SNPH: variants seen among roughly 807,000 people sequenced by gnomAD.
SNPH encodes syntaphilin.
A neutral mutation model predicts 36.8 loss-of-function variants in SNPH; 10 were observed. That is an observed-to-expected ratio of 0.27 (90% CI 0.17 to 0.46). The LOEUF (loss-of-function observed/expected upper bound fraction) is 0.46, where lower values mean the gene tolerates loss of function less well. Among genes scored for constraint, SNPH ranks in the 20% least tolerant of loss-of-function variants. SNPH has a pLI of 1.00. For missense variants in SNPH, 622 were observed against 744.0 expected, an observed-to-expected ratio of 0.84 and a Z score of 1.91; for synonymous variants, 281 against 312.2, an observed-to-expected ratio of 0.90 and a Z score of 1.05.
chr20:1,305,669 T>C lies in SNPH; in HGVS notation c.1232T>C (p.Val411Ala), dbSNP rs1439126976. Residue 411 changes from valine to alanine, a missense_variant, in exon 7 of 7, where the codon GTG becomes GCG. By Grantham distance (64) the Val-to-Ala change is moderately conservative. Around this residue, in one of 3 missense-constraint regions of SNPH, gnomAD observed 379 missense variants for 427.9 expected, o/e 0.89. Transcript: ENST00000381867. ...AGAGACCCCAACTCAGCAGTGGTGG[T>C]GACAGTGGGTGATGAGCTAGAGGCC... is the stretch of plus-strand genomic sequence containing the variant. ...GPRDPNSAVVVTVGDELEAPE... is the reference protein window; with the variant it reads ...GPRDPNSAVVATVGDELEAPE... 1.9e-6 allele frequency: 3 copies of C among 1,612,120 alleles called. No homozygotes were observed. In the South Asian group the frequency reaches 3.3e-5, roughly 18 times the overall value.
rs543704546 is a variant in SNPH, at chr20:1,304,312, A to G, written c.441-566A>G. On this transcript the variant is annotated intron_variant, in intron 6 of 6. Coordinates refer to ENST00000381867, the MANE Select transcript of SNPH (RefSeq NM_001318234.2). The surrounding 1 kb of genome is among the most constrained non-coding windows in gnomAD (Gnocchi z 4.3). Reference sequence around the variant, plus strand: ...CATCGCTCTGCATGAGGGATGATGTAAAATCATCAGCCTCCCCCAACATTG... The same window carrying G: ...CATCGCTCTGCATGAGGGATGATGTGAAATCATCAGCCTCCCCCAACATTG... 7.2e-5 allele frequency among the ~76,000 whole-genome samples: 11 copies of G among 152,254 alleles called. No homozygotes were observed. The East Asian group carries it at 1.9e-3, about 27-fold the overall frequency.
chr20:1,300,441 G>A, intron 5 of SNPH, 121 bp from the exon 6 acceptor site: 1 of 1,072,776 alleles, frequency 9.3e-7, no homozygotes, highest in Non-Finnish European at 1.4e-6. Flanking sequence ...TGGGAGGCCT[G>A]GCTTGGAGCA....
chr20:1,307,275 G>A lies in SNPH; in HGVS notation c.*1221G>A, dbSNP rs996733346. 1.3e-5 allele frequency: 2 copies of A among 152,296 alleles called. No individual in the cohort carries two copies. Among genetic ancestry groups the A allele is most frequent in the Admixed American group, 1.3e-4 (2 of 15,288 alleles). The allele number at this position is 152,296 out of a possible 1,614,324, so 9.4% of individuals were successfully genotyped here. A position where few individuals can be genotyped will look rare whatever the true frequency, so the allele number is the denominator to read the frequency against. ...CATCCAGGCCAAAGCAGGGTGTCCT[G>A]GGATAGGTTTCCTAGGCAGGGGCGT... is the stretch of plus-strand genomic sequence containing the variant. On this transcript the variant is annotated 3_prime_UTR_variant, in exon 7 of 7. Transcript: ENST00000381867.
rs150438827 is a variant in SNPH at position 1,296,245 on chromosome 20, G to A, written c.6G>A (p.Pro2=). M[P]GSGPSERMTW... ...GAAGGGTGAGAAGAGAAGCCATGCC[G>A]GGCAGCGGCCCCAGCGAGAGGATGA... The change falls in exon 4 of 7, where the codon CCG becomes CCA. Residue 2 remains proline (P), a synonymous_variant. Transcript: ENST00000381867. 4.2e-4 allele frequency: 635 copies of A among 1,522,762 alleles called. 1 individual carries two copies. The African/African-American group carries it at 7.7e-3, about 18-fold the overall frequency. 94.3% of individuals were successfully genotyped at this position (1,522,762 alleles called of 1,614,324 possible).
At chr20:1,303,992 C>T (rs1409135731) in intron 6 of SNPH, among the ~76,000 whole-genome samples, 3 of 152,080 alleles carry the variant, frequency 2.0e-5, no homozygotes, top group Admixed American at 1.3e-4. Context: ...TACCTCTAGA[C>T]CTGATGGCAT....
chr20:1,281,422 G>A (rs2088220741), intron 2 of SNPH, among the ~76,000 whole-genome samples: 1 of 152,160 alleles, frequency 6.6e-6, no homozygotes, highest in Non-Finnish European at 1.5e-5. Context: ...CTGTAAACCT[G>A]ACTTTGACCT....
Position 1,283,396 on chromosome 20 carries a change from A to G in SNPH, c.-492-11555A>G, listed in dbSNP as rs115311657. Among the ~76,000 whole-genome samples the G allele has an allele frequency of 6.0e-3, 907 of 152,002 alleles. 17 individuals are homozygous for G. Among genetic ancestry groups the G allele is most frequent in the African/African-American group, 0.021 (873 of 41,428 alleles). On this transcript the variant is annotated intron_variant, in intron 2 of 6. Coordinates refer to ENST00000381867, the MANE Select transcript of SNPH (RefSeq NM_001318234.2). The stretch of plus-strand genomic sequence containing the variant: ...AAAATGAGACTCGACCAGAAAAGAG[A>G]CTCCAAGCTCCAATGCCGTGCCACT...
chr20:1,307,800 A>G lies in SNPH; in HGVS notation c.*1746A>G, dbSNP rs2088600387. ...CTTGGTCAGGGCCTCAGACCAGCCAACCTTTGTGGAATAAGCCCCAGCCCA... is the reference window on the plus strand; with the variant it reads ...CTTGGTCAGGGCCTCAGACCAGCCAGCCTTTGTGGAATAAGCCCCAGCCCA... On this transcript the variant is annotated 3_prime_UTR_variant, in exon 7 of 7. Transcript: ENST00000381867. The G allele has an allele frequency of 6.6e-6, 1 of 152,410 alleles. No homozygotes were observed. The highest frequency in any genetic ancestry group is 2.4e-5 in the African/African-American group (1 of 41,452). The allele number at this position is 152,410 out of a possible 1,614,324, so 9.4% of individuals were successfully genotyped here. A position where few individuals can be genotyped will look rare whatever the true frequency, so the allele number is the denominator to read the frequency against.
intron 2 of SNPH, among the ~76,000 whole-genome samples, chr20:1,268,202 C>T (rs1345689093): frequency 1.3e-5 from 2 of 152,220 alleles, no homozygotes; most frequent in Admixed American, 1.3e-4. Context: ...ATCATTCTAG[C>T]AAATGATGGT....
At chr20:1,297,123 T>C in intron 4 of SNPH, 22 bp from the exon 5 acceptor site, 1 of 1,603,962 alleles carries the variant, frequency 6.2e-7, no homozygotes, top group Non-Finnish European at 8.5e-7. Context: ...AACGAGCACC[T>C]GCCTCTTCTT....
chr20:1,270,588 G>A (rs1210112883), intron 2 of SNPH, among the ~76,000 whole-genome samples: 1 of 152,180 alleles, frequency 6.6e-6, no homozygotes, highest in East Asian at 1.9e-4. Flanking sequence ...GAGTCTAGGG[G>A]ACTATCCAAG....
At position 1,294,433 on chromosome 20, in the gene SNPH, C is replaced by T. The variant is rs538501244; in HGVS notation, c.-492-518C>T. Among the ~76,000 whole-genome samples, 98 of 152,304 alleles carry T rather than the reference C, an allele frequency of 6.4e-4. 2 individuals are homozygous for T. Among genetic ancestry groups the T allele is most frequent in the African/African-American group, 2.2e-3 (93 of 41,580 alleles). On this transcript the variant is annotated intron_variant, in intron 2 of 6. Coordinates refer to ENST00000381867, the MANE Select transcript of SNPH (RefSeq NM_001318234.2). This position sits in a 1 kb window ranked among gnomAD's most constrained non-coding sequence, Gnocchi z 4.4. ...TGGAGGAGCACTGATGTCCTCTTAC[C>T]CCCAAATCGCCCCTCCTCCATGGTT...
In SNPH at chr20:1,304,665, TCTC is replaced by T. The variant is rs1275097700; in HGVS notation, c.441-210_441-208del. Among the ~76,000 whole-genome samples, 1 of 151,946 alleles carries T rather than the reference TCTC, an allele frequency of 6.6e-6. No homozygotes were observed. The highest frequency in any genetic ancestry group is 6.6e-5 in the Admixed American group (1 of 15,254). ...TTTCTTCTCTCTCCAGGCAGAGGCT[TCTC>T]CTGTCTTCACCCCTCAGCCCCTCTC... On this transcript the variant is annotated intron_variant, in intron 6 of 6. Coordinates refer to ENST00000381867, the MANE Select transcript of SNPH (RefSeq NM_001318234.2). The surrounding 1 kb of genome is among the most constrained non-coding windows in gnomAD (Gnocchi z 4.3).
intron 6 of SNPH, among the ~76,000 whole-genome samples, chr20:1,301,471 C>G (rs1329437807): frequency 6.6e-6 from 1 of 151,850 alleles, no homozygotes; most frequent in Non-Finnish European, 1.5e-5. Flanking sequence ...GAGCTCAGAG[C>G]AGGCACGATG....
intron 2 of SNPH, among the ~76,000 whole-genome samples, chr20:1,292,116 GT>G (rs937930477): frequency 2.0e-5 from 3 of 152,196 alleles, no homozygotes; most frequent in African/African-American, 7.2e-5. Context: ...TGTTGATTGT[GT>G]TTGTTTTTAT....
At position 1,300,564 on chromosome 20, in the gene SNPH, G is replaced by T. The variant is rs771528392; in HGVS notation, c.293G>T (p.Arg98Leu). ...TGATGATGGGCGTCCCCTTGCAGGC[G>T]CTCCATGAAATACACGCTGTGCAGT... Reference protein sequence around the residue: ...KGSDSSPTPRRSMKYTLCSDN... With the variant: ...KGSDSSPTPRLSMKYTLCSDN... The change falls in exon 6 of 7, where the codon CGC (arginine) becomes CTC (leucine). Residue 98 changes from arginine (R) to leucine (L), a missense_variant and splice_region_variant. This residue lies in a region of SNPH where 187 missense variants were observed against 209.4 expected (regional missense o/e 0.89). Coordinates refer to ENST00000381867, the MANE Select transcript of SNPH (RefSeq NM_001318234.2). 1.9e-6 allele frequency: 3 copies of T among 1,613,748 alleles called. No individual in the cohort carries two copies. The African/African-American group carries it at 4.0e-5, about 22-fold the overall frequency.
intron 2 of SNPH, among the ~76,000 whole-genome samples, chr20:1,283,867 G>A (rs980431331): frequency 6.6e-5 from 10 of 152,156 alleles, no homozygotes; most frequent in African/African-American, 2.2e-4. Flanking sequence ...TTGCTTTTCT[G>A]GACCCCCAGG....
intron 2 of SNPH, among the ~76,000 whole-genome samples, chr20:1,284,549 C>T (rs2088262398): frequency 1.3e-5 from 2 of 152,098 alleles, no homozygotes; most frequent in Non-Finnish European, 2.9e-5. Flanking sequence ...AAGAGGAGTG[C>T]TGTAGGAGGA....
chr20:1,292,472 G>A (rs1436785969), intron 2 of SNPH, among the ~76,000 whole-genome samples: 1 of 152,182 alleles, frequency 6.6e-6, no homozygotes, highest in Admixed American at 6.5e-5. Flanking sequence ...ACAGGGTCCA[G>A]GCCCTTTTCT....
Sources: gnomAD v4.1 joint callset for allele counts (sites outside exome capture counted in the v4.1 genomes callset) on GRCh38, gnomAD v4.1.1 for gene constraint, gnomAD v4.1.1 regional missense constraint, Gnocchi (gnomAD v3.1) non-coding constraint, MANE v1.5 for transcripts, NCBI Gene and HGNC (gene_info 2026-07-23, HGNC 2026-07-21) for gene names.